TENM2: variants seen among roughly 807,000 people sequenced by gnomAD.
The protein encoded by TENM2 is teneurin transmembrane protein 2.
In TENM2, 52 loss-of-function variants were observed where a neutral mutation model predicts 245.2. The ratio of observed to expected loss-of-function variants is 0.21; its 90% CI spans 0.17 to 0.27. The LOEUF is 0.27. Among genes scored for constraint, TENM2 ranks in the 10% least tolerant of loss-of-function variants. TENM2 has a pLI of 1.00. For missense variants in TENM2, 3,046 were observed against 3,666.8 expected, an observed-to-expected ratio of 0.83 and a Z score of 4.37; for synonymous variants, 1,363 against 1,438.9, an observed-to-expected ratio of 0.95 and a Z score of 1.19.
chr5:167,142,080 T>G, the TENM2 span, among the ~76,000 whole-genome samples: 2 of 152,320 alleles, frequency 1.3e-5, no homozygotes, highest in South Asian at 2.1e-4. Context: ...CTAGCACATC[T>G]GAAATCTATG....
At chr5:167,246,993 T>C in the TENM2 span, among the ~76,000 whole-genome samples, 3 of 152,138 alleles carry the variant, frequency 2.0e-5, no homozygotes, top group Non-Finnish European at 4.4e-5. Context: ...AAAATACTTG[T>C]CCCTAACTTA....
intron 2 of TENM2, among the ~76,000 whole-genome samples, chr5:167,833,248 G>GTTTAGTA (rs1396328162): frequency 3.3e-5 from 5 of 151,758 alleles, no homozygotes; most frequent in African/African-American, 1.2e-4. Flanking sequence ...ATCCACAAAC[G>GTTTAGTA]TTATTAAAAC....
intron 2 of TENM2, among the ~76,000 whole-genome samples, chr5:167,687,006 A>G (rs186289352): frequency 7.3e-4 from 111 of 152,268 alleles, no homozygotes; most frequent in African/African-American, 2.4e-3. Flanking sequence ...GCTATTCTCA[A>G]ATCTTTAAAA....
At chr5:167,534,691 G>C (rs1054177938) in intron 2 of TENM2, among the ~76,000 whole-genome samples, 1 of 152,112 alleles carries the variant, frequency 6.6e-6, no homozygotes, top group African/African-American at 2.4e-5. Flanking sequence ...AATTAATTTG[G>C]TGTGCGGGAT....
At chr5:168,105,234 G>A (rs1305704134) in intron 9 of TENM2, among the ~76,000 whole-genome samples, 2 of 152,202 alleles carry the variant, frequency 1.3e-5, no homozygotes, top group Admixed American at 6.5e-5. Context: ...AGATTCTAGA[G>A]AGGGAGCCAC....
At chr5:167,020,713 G>A in the TENM2 span, among the ~76,000 whole-genome samples, 23 of 152,170 alleles carry the variant, frequency 1.5e-4, no homozygotes, top group African/African-American at 5.3e-4. Flanking sequence ...TGTTACCAAG[G>A]TTTGCCCAGA....
At chr5:168,204,521 G>T (rs552552034) in exon 19 of TENM2, 6 of 1,613,892 alleles carry the variant, frequency 3.7e-6, no homozygotes, top group Non-Finnish European at 5.1e-6. Flanking sequence ...GGCCCCAGTG[G>T]CTCTGGCTGT....
the TENM2 span, among the ~76,000 whole-genome samples, chr5:167,071,767 C>T: frequency 6.6e-6 from 1 of 152,088 alleles, no homozygotes; most frequent in South Asian, 2.1e-4. Context: ...GATTGAGGCT[C>T]AGAGGATTTC....
chr5:167,215,799 T>C, the TENM2 span, among the ~76,000 whole-genome samples: 2 of 152,186 alleles, frequency 1.3e-5, no homozygotes, highest in Non-Finnish European at 2.9e-5. Flanking sequence ...TTTATACACA[T>C]TAGCTTTTAC....
chr5:167,452,417 G>A (rs1046386871), intron 2 of TENM2, among the ~76,000 whole-genome samples: 6 of 152,130 alleles, frequency 3.9e-5, no homozygotes, highest in African/African-American at 1.4e-4. Flanking sequence ...CTTCTCTTAT[G>A]GTTGGGAACA....
the TENM2 span, among the ~76,000 whole-genome samples, chr5:167,076,494 A>C: frequency 6.6e-6 from 1 of 152,184 alleles, no homozygotes; most frequent in African/African-American, 2.4e-5. Flanking sequence ...CAAGAGACCT[A>C]CATAGGGAAT....
chr5:167,929,106 AAAGAAAGAAAGAAAGAAAG>A lies in TENM2; in HGVS notation c.713-23479_713-23461del, dbSNP rs1241017876. The stretch of plus-strand genomic sequence containing the variant: ...GAAAGAAAGAAAGAAAGAAAGAAAG[AAAGAAAGAAAGAAAGAAAG>A]AAAGAAAAGAAAGAAGGGAGGGAGG... On this transcript the variant is annotated intron_variant, in intron 3 of 28. Transcript: ENST00000518659. Among the ~76,000 whole-genome samples, 18 of 137,774 alleles carry A rather than the reference AAAGAAAGAAAGAAAGAAAG, an allele frequency of 1.3e-4. No homozygotes were observed. The East Asian group carries it at 1.7e-3, about 13-fold the overall frequency. 90.4% of individuals were successfully genotyped at this position (137,774 alleles called of 152,430 possible). A position where few individuals can be genotyped will look rare whatever the true frequency, so the allele number is the denominator to read the frequency against.
Position 168,205,484 on chromosome 5 carries a change from G to A in TENM2, c.3824+863G>A, listed in dbSNP as rs190417131. ...ACAGAGTAAGAAACAGGAACTGGGC[G>A]ACAGGGAGGGTACATGGATGAGGAG... is the stretch of plus-strand genomic sequence containing the variant. On this transcript the variant is annotated intron_variant, in intron 19 of 28. Transcript: ENST00000518659. 2.2e-3 allele frequency among the ~76,000 whole-genome samples: 328 copies of A among 152,286 alleles called. 1 individual carries two copies. Among genetic ancestry groups the A allele is most frequent in the Non-Finnish European group, 3.2e-3 (216 of 68,026 alleles).
chr5:167,599,340 G>A (rs1035971450), intron 2 of TENM2, among the ~76,000 whole-genome samples: 1 of 152,060 alleles, frequency 6.6e-6, no homozygotes, highest in Non-Finnish European at 1.5e-5. Flanking sequence ...TTGCAGATGG[G>A]CATTTTAATT....
intron 2 of TENM2, among the ~76,000 whole-genome samples, chr5:167,431,957 A>ATGTGTG (rs1301403960): frequency 1.8e-5 from 1 of 55,036 alleles, no homozygotes; most frequent in Non-Finnish European, 4.4e-5. Context: ...ATGTATATAT[A>ATGTGTG]TATGTATATA....
At chr5:167,998,074 G>C (rs1208972175) in intron 5 of TENM2, among the ~76,000 whole-genome samples, 1 of 152,158 alleles carries the variant, frequency 6.6e-6, no homozygotes. Flanking sequence ...ATTTTTCCAA[G>C]GAAAATTTTA....
intron 1 of TENM2, among the ~76,000 whole-genome samples, chr5:167,363,026 A>C (rs555914246): frequency 6.6e-6 from 1 of 152,242 alleles, no homozygotes; most frequent in East Asian, 1.9e-4. Flanking sequence ...AAATGGAAAC[A>C]GAAGTATTAA....
intron 21 of TENM2, among the ~76,000 whole-genome samples, chr5:168,215,601 G>A (rs955783400): frequency 5.3e-5 from 8 of 152,216 alleles, no homozygotes; most frequent in Non-Finnish European, 1.0e-4. Context: ...CCCGGGAGGC[G>A]GAGCTTGCAG....
chr5:167,831,141 CCTT>C (rs911329432), intron 2 of TENM2, among the ~76,000 whole-genome samples: 3 of 151,986 alleles, frequency 2.0e-5, no homozygotes, highest in Admixed American at 6.6e-5. Flanking sequence ...TCCTTCTCCT[CCTT>C]CTTCTTCTTG....
Sources: gnomAD v4.1 joint callset for allele counts (sites outside exome capture counted in the v4.1 genomes callset) on GRCh38, gnomAD v4.1.1 for gene constraint, MANE v1.5 for transcripts, NCBI Gene and HGNC (gene_info 2026-07-23, HGNC 2026-07-21) for gene names.